The following SORCS3 variants were observed in gnomAD, a reference collection of about 807,000 sequenced individuals.
SORCS3 encodes sortilin related VPS10 domain containing receptor 3.
Under a neutral mutation model 146.3 loss-of-function variants are expected in SORCS3, and 57 were observed. The ratio of observed to expected loss-of-function variants is 0.39; its 90% CI spans 0.31 to 0.49. SORCS3 has a LOEUF of 0.49. Among genes scored for constraint, SORCS3 ranks in the 20% least tolerant of loss-of-function variants. SORCS3 has a pLI of 0.92. For synonymous variants in SORCS3, 653 were observed against 618.5 expected (o/e 1.06, Z -0.83); for missense variants, 1,341 against 1,575.5 (o/e 0.85, Z 2.52).
chr10:104,764,867 A>C (rs1231867677), intron 1 of SORCS3, among the ~76,000 whole-genome samples: 1 of 152,202 alleles, frequency 6.6e-6, no homozygotes, highest in African/African-American at 2.4e-5. Context: ...GGTGAAGTGA[A>C]GAAATGACAA....
intron 1 of SORCS3, among the ~76,000 whole-genome samples, chr10:104,765,395 T>C (rs2017167942): frequency 6.6e-6 from 1 of 152,248 alleles, no homozygotes; most frequent in Non-Finnish European, 1.5e-5. Context: ...CTCCAACTCC[T>C]AAGTAGTTTA....
intron 7 of SORCS3, among the ~76,000 whole-genome samples, chr10:105,119,487 T>C (rs1564759393): frequency 6.6e-6 from 1 of 152,104 alleles, no homozygotes; most frequent in African/African-American, 2.4e-5. Flanking sequence ...CTCAGAATGA[T>C]AGATCTACCA....
intron 1 of SORCS3, among the ~76,000 whole-genome samples, chr10:104,660,145 C>T (rs895984848): frequency 3.3e-5 from 5 of 152,174 alleles, no homozygotes; most frequent in Admixed American, 6.5e-5. Flanking sequence ...CTTGAAAGAA[C>T]GGCAGGTGAC....
At chr10:105,035,824 T>C (rs2797818) in intron 4 of SORCS3, among the ~76,000 whole-genome samples, 35,469 of 152,072 alleles carry the variant, frequency 0.23, 4,710 homozygotes, top group African/African-American at 0.37. Flanking sequence ...TCATTTTTGG[T>C]GCTATAATAT....
chr10:105,260,702 A>G (rs967721861), intron 25 of SORCS3, among the ~76,000 whole-genome samples: 2 of 152,202 alleles, frequency 1.3e-5, no homozygotes, highest in African/African-American at 4.8e-5. Context: ...TTGGAGTTGG[A>G]GCAGATAGGG....
chr10:104,850,035 A>C (rs1400859939), intron 2 of SORCS3, among the ~76,000 whole-genome samples: 1 of 152,168 alleles, frequency 6.6e-6, no homozygotes, highest in East Asian at 1.9e-4. Flanking sequence ...TCTGATTTTC[A>C]ATTTCTTCAA....
intron 3 of SORCS3, among the ~76,000 whole-genome samples, chr10:104,923,494 C>G (rs887254496): frequency 6.6e-6 from 1 of 152,218 alleles, no homozygotes; most frequent in Non-Finnish European, 1.5e-5. Context: ...GTCAGAGCAG[C>G]AGCACTACTT....
intron 5 of SORCS3, among the ~76,000 whole-genome samples, chr10:105,084,257 A>G (rs542114249): frequency 6.6e-6 from 1 of 152,330 alleles, no homozygotes; most frequent in South Asian, 2.1e-4. Context: ...TTAAAAGTTC[A>G]TTTTGAGGAT....
At chr10:104,896,084 AGAGTCCATTTGTTTT>A (rs1564708139) in intron 2 of SORCS3, among the ~76,000 whole-genome samples, 11 of 152,142 alleles carry the variant, frequency 7.2e-5, no homozygotes, top group African/African-American at 2.2e-4. Context: ...TTTTCTGGCC[AGAGTCCATTTGTTTT>A]TTATTACTGC....
intron 4 of SORCS3, among the ~76,000 whole-genome samples, chr10:105,026,149 T>C (rs186255856): frequency 4.6e-5 from 7 of 152,262 alleles, no homozygotes; most frequent in Non-Finnish European, 4.4e-5. Context: ...ACTCCTCTTT[T>C]TTCCTCAGAC....
chr10:105,022,563 A>G (rs1326732127), intron 4 of SORCS3, among the ~76,000 whole-genome samples: 1 of 152,024 alleles, frequency 6.6e-6, no homozygotes, highest in African/African-American at 2.4e-5. Context: ...TTTTTCTATG[A>G]GCCTAAAATG....
At chr10:105,227,820 T>C (rs1047878620) in intron 20 of SORCS3, among the ~76,000 whole-genome samples, 1 of 152,106 alleles carries the variant, frequency 6.6e-6, no homozygotes, top group South Asian at 2.1e-4. Context: ...TTTTGTTTTT[T>C]ATTTTTTTTT....
intron 16 of SORCS3, among the ~76,000 whole-genome samples, chr10:105,207,317 T>C (rs1311228377): frequency 8.5e-6 from 1 of 118,012 alleles, no homozygotes; most frequent in African/African-American, 3.1e-5. Context: ...TAAACTGTCC[T>C]GGCTATCCCT....
chr10:104,846,623 G>A (rs1432660130), intron 2 of SORCS3, among the ~76,000 whole-genome samples: 1 of 152,186 alleles, frequency 6.6e-6, no homozygotes, highest in Non-Finnish European at 1.5e-5. Context: ...TTGTTTAAAA[G>A]CATTAATTTG....
intron 5 of SORCS3, among the ~76,000 whole-genome samples, chr10:105,046,957 C>T (rs535246846): frequency 1.3e-5 from 2 of 152,128 alleles, no homozygotes; most frequent in African/African-American, 4.8e-5. Context: ...GAGTAAGTGT[C>T]CTTAACATAT....
Position 105,262,362 on chromosome 10 carries a change from G to C in SORCS3, c.3475G>C (p.Val1159Leu), listed in dbSNP as rs142308746. 1 of 1,613,892 alleles carries C rather than the reference G, an allele frequency of 6.2e-7. No homozygotes were observed. The highest frequency in any genetic ancestry group is 8.5e-7 in the Non-Finnish European group (1 of 1,179,876). Reference sequence around the variant, plus strand: ...CCCTTGGATTAACATCTATGCTCAAGTCCAACACGACAAGGAGCAGGAGAT... The same window carrying C: ...CCCTTGGATTAACATCTATGCTCAACTCCAACACGACAAGGAGCAGGAGAT... ...KIPWINIYAQ[V>L]QHDKEQEMIG... The change falls in exon 26 of 27, where the codon GTC becomes CTC. Residue 1159 changes from valine to leucine, a missense_variant. Physicochemically the swap from Val to Leu is conservative, Grantham distance 32. Transcript: ENST00000369701.
intron 1 of SORCS3, among the ~76,000 whole-genome samples, chr10:104,651,598 C>T (rs1043304472): frequency 1.6e-4 from 24 of 149,860 alleles, no homozygotes; most frequent in Non-Finnish European, 2.8e-4. Flanking sequence ...CCCAGCTACA[C>T]GGGAGGCTGA....
chr10:104,864,490 G>A (rs2018439227), intron 2 of SORCS3, among the ~76,000 whole-genome samples: 1 of 152,128 alleles, frequency 6.6e-6, no homozygotes, highest in Non-Finnish European at 1.5e-5. Flanking sequence ...CATTGCCAGT[G>A]TATACCTGAA....
chr10:104,832,307 C>T (rs572258769), intron 1 of SORCS3, among the ~76,000 whole-genome samples: 41 of 152,272 alleles, frequency 2.7e-4, no homozygotes, highest in African/African-American at 9.9e-4. Context: ...CTCTGTTTCT[C>T]CTTGACAATA....
Sources: allele counts gnomAD v4.1 joint callset (sites outside exome capture counted in the v4.1 genomes callset), GRCh38; gene constraint gnomAD v4.1.1; transcripts MANE v1.5; gene names NCBI Gene and HGNC (gene_info 2026-07-23, HGNC 2026-07-21).